SCARB1: variants seen among roughly 807,000 people sequenced by gnomAD.
SCARB1 encodes CD36 and LIMPII analogous 1.
SCARB1 carries 30 observed loss-of-function variants against 57.2 expected under a neutral mutation model. The observed-to-expected ratio is 0.52, with a 90% confidence interval of 0.39 to 0.71. The LOEUF is 0.71. SCARB1 is among the 30% of genes least tolerant of loss of function. SCARB1 has a pLI of 0.00. For missense variants in SCARB1, 543 were observed against 671.2 expected, an observed-to-expected ratio of 0.81 and a Z score of 2.11; for synonymous variants, 249 against 268.3, an observed-to-expected ratio of 0.93 and a Z score of 0.70.
intron 1 of SCARB1, among the ~76,000 whole-genome samples, chr12:124,836,696 A>G (rs1951661756): frequency 6.6e-6 from 1 of 152,068 alleles, no homozygotes; most frequent in African/African-American, 2.4e-5. Flanking sequence ...TGGAAGGCTG[A>G]GGCAGGAGGA....
At chr12:124,805,278 CAG>C (rs1418899147) in intron 7 of SCARB1, among the ~76,000 whole-genome samples, 1 of 152,198 alleles carries the variant, frequency 6.6e-6, no homozygotes, top group Non-Finnish European at 1.5e-5. Context: ...ATGATCCACT[CAG>C]AAATCCAGAC....
At position 124,815,038 on chromosome 12, in the gene SCARB1, A is replaced by T; in HGVS notation, c.361T>A (p.Phe121Ile). The T allele has an allele frequency of 6.2e-7, 1 of 1,614,188 alleles. No individual in the cohort carries two copies. Among genetic ancestry groups the T allele is most frequent in the South Asian group, 1.1e-5 (1 of 91,082 alleles). Reference sequence around the variant, plus strand: ...GAGCCGTGGGACTTGGAGGGCTGGAACTGGAAGGTGCGGTACTCGAGGAAG... The same window carrying T: ...GAGCCGTGGGACTTGGAGGGCTGGATCTGGAAGGTGCGGTACTCGAGGAAG... Reference protein sequence around the residue: ...VSFLEYRTFQFQPSKSHGSES... With the variant: ...VSFLEYRTFQIQPSKSHGSES... The change falls in exon 3 of 13, where the codon TTC (phenylalanine) becomes ATC (isoleucine). Residue 121 changes from phenylalanine (F) to isoleucine (I), a missense_variant. By Grantham distance (21) the Phe-to-Ile change is conservative. Transcript: ENST00000261693.
At chr12:124,858,585 G>A (rs1952734790) in intron 1 of SCARB1, among the ~76,000 whole-genome samples, 1 of 151,998 alleles carries the variant, frequency 6.6e-6, no homozygotes, top group East Asian at 1.9e-4. Flanking sequence ...TTTTTTTTAA[G>A]AGATGGGATT....
At chr12:124,824,666 G>A (rs1175379376) in intron 1 of SCARB1, among the ~76,000 whole-genome samples, 1 of 152,224 alleles carries the variant, frequency 6.6e-6, no homozygotes, top group East Asian at 1.9e-4. Flanking sequence ...CAGGACCGCT[G>A]TGCACAGCGG....
chr12:124,823,366 C>A (rs1951016585), intron 1 of SCARB1, among the ~76,000 whole-genome samples: 1 of 152,172 alleles, frequency 6.6e-6, no homozygotes, highest in African/African-American at 2.4e-5. Flanking sequence ...ACACAAATAG[C>A]CAACAAGCTC....
intron 1 of SCARB1, among the ~76,000 whole-genome samples, chr12:124,852,771 T>C (rs1952471960): frequency 6.6e-6 from 1 of 152,240 alleles, no homozygotes; most frequent in Non-Finnish European, 1.5e-5. Flanking sequence ...CCAGGCGCGG[T>C]GGCTCATGCC....
rs61932577 is a variant in SCARB1, at chr12:124,811,816, G to C, written c.726+54C>G. The C allele has an allele frequency of 3.8e-4, 495 of 1,298,844 alleles. 2 individuals carry two copies. In the African/African-American group the frequency reaches 6.4e-3, roughly 17 times the overall value. The allele number at this position is 1,298,844 out of a possible 1,614,324, so 80.5% of individuals were successfully genotyped here. The stretch of plus-strand genomic sequence containing the variant: ...CTGCCACTCCCGAGCAGCCATGGCC[G>C]GGCCCACCCTCCCCTCTCCCTGGCG... On this transcript the variant is annotated intron_variant, in intron 5 of 12. Coordinates refer to ENST00000261693, the MANE Select transcript of SCARB1 (RefSeq NM_005505.5).
chr12:124,827,805 G>A lies in SCARB1; in HGVS notation c.127-10098C>T, dbSNP rs534072557. 2.0e-5 allele frequency among the ~76,000 whole-genome samples: 3 copies of A among 152,122 alleles called. No homozygotes were observed. The East Asian group carries it at 5.8e-4, about 29-fold the overall frequency. On this transcript the variant is annotated intron_variant, in intron 1 of 12. Transcript: ENST00000261693. The stretch of plus-strand genomic sequence containing the variant: ...CTGCCCCTAAAACTCCTGACCTCCC[G>A]ACCTGCCGTGTTGTTTCCATGCTGC...
intron 2 of SCARB1, among the ~76,000 whole-genome samples, chr12:124,816,971 C>T (rs1234039110): frequency 6.6e-6 from 1 of 151,274 alleles, no homozygotes; most frequent in East Asian, 1.9e-4. Flanking sequence ...CCACCCGGTC[C>T]TCTGGCCCAG....
At chr12:124,806,960 A>G (rs1950345271) in intron 7 of SCARB1, among the ~76,000 whole-genome samples, 1 of 151,972 alleles carries the variant, frequency 6.6e-6, no homozygotes, top group African/African-American at 2.4e-5. Context: ...GCACTTTGGG[A>G]GGCCGAGGCA....
At chr12:124,837,255 C>T (rs767783874) in intron 1 of SCARB1, among the ~76,000 whole-genome samples, 18 of 152,106 alleles carry the variant, frequency 1.2e-4, no homozygotes, top group Non-Finnish European at 1.5e-5. Flanking sequence ...TCAAACACCC[C>T]AACCTCAATA....
intron 5 of SCARB1, among the ~76,000 whole-genome samples, chr12:124,811,633 T>A (rs1950530555): frequency 6.6e-6 from 1 of 152,124 alleles, no homozygotes; most frequent in South Asian, 2.1e-4. Flanking sequence ...TCCCAGCAGA[T>A]GCCAGGTGCT....
At chr12:124,841,481 CAAA>C (rs1158202606) in intron 1 of SCARB1, among the ~76,000 whole-genome samples, 4 of 107,818 alleles carry the variant, frequency 3.7e-5, no homozygotes, top group African/African-American at 3.3e-5. Context: ...GACTCTGTCT[CAAA>C]AAAAAAAAAA....
At chr12:124,793,648 G>C (rs1049771065) in intron 9 of SCARB1, among the ~76,000 whole-genome samples, 1 of 144,082 alleles carries the variant, frequency 6.9e-6, no homozygotes, top group African/African-American at 2.7e-5. Flanking sequence ...AGCCGAGATC[G>C]CGCCACTGCA....
rs978421540 is a variant in SCARB1 at position 124,812,282 on chromosome 12, G to T, written c.631-317C>A. 6.6e-6 allele frequency among the ~76,000 whole-genome samples: 1 copy of T among 152,206 alleles called. No individual in the cohort carries two copies. The highest frequency in any genetic ancestry group is 2.4e-5 in the African/African-American group (1 of 41,454). ...CCAGCATAAAATAAAGCATGGCCAG[G>T]TCAGCTCCCTGAGCAATGAAAAAGG... On this transcript the variant is annotated intron_variant, in intron 4 of 12. Transcript: ENST00000261693. This position sits in a 1 kb window ranked among gnomAD's most constrained non-coding sequence, Gnocchi z 4.3.
chr12:124,835,848 C>T (rs765116563), intron 1 of SCARB1, among the ~76,000 whole-genome samples: 16 of 152,326 alleles, frequency 1.1e-4, no homozygotes, highest in Non-Finnish European at 1.9e-4. Flanking sequence ...GCCTGCATGC[C>T]ACGTGGCCCA....
At position 124,784,462 on chromosome 12, in the gene SCARB1, C is replaced by T. The variant is rs547642399; in HGVS notation, c.1402-1651G>A. ...TCTCACATTGTGGAAACCTTTTCCC[C>T]CCGAGGACAGGAATTTTGAAAGGAA... On this transcript the variant is annotated intron_variant, in intron 11 of 12. Transcript: ENST00000261693. 1.1e-3 allele frequency: 169 copies of T among 152,378 alleles called. 2 individuals are homozygous for T. The highest frequency in any genetic ancestry group is 3.7e-3 in the African/African-American group (152 of 41,576). The allele number at this position is 152,378 out of a possible 1,614,324, so 9.4% of individuals were successfully genotyped here.
chr12:124,844,740 C>T (rs1051482843), intron 1 of SCARB1, among the ~76,000 whole-genome samples: 1 of 152,140 alleles, frequency 6.6e-6, no homozygotes, highest in Non-Finnish European at 1.5e-5. Context: ...CTCAGACTTC[C>T]GGCCTCCAGA....
chr12:124,860,086 G>A (rs1952831106), intron 1 of SCARB1, among the ~76,000 whole-genome samples: 1 of 151,980 alleles, frequency 6.6e-6, no homozygotes, highest in African/African-American at 2.4e-5. Flanking sequence ...GAATAGCTGG[G>A]ATTACAGGCG....
Sources: allele counts gnomAD v4.1 joint callset (sites outside exome capture counted in the v4.1 genomes callset), GRCh38; gene constraint gnomAD v4.1.1; non-coding constraint Gnocchi (gnomAD v3.1); transcripts MANE v1.5; gene names NCBI Gene and HGNC (gene_info 2026-07-23, HGNC 2026-07-21).